The following SMYD3 variants were observed in gnomAD, a reference collection of about 807,000 sequenced individuals.
SMYD3 encodes SET and MYND domain containing 3.
In SMYD3, 36 loss-of-function variants were observed where a neutral mutation model predicts 57.7. That is an observed-to-expected ratio of 0.62 (90% CI 0.48 to 0.82). The LOEUF (loss-of-function observed/expected upper bound fraction) is 0.82. SMYD3 is among the 40% of genes least tolerant of loss of function. The pLI is 0.00. For synonymous variants in SMYD3, 211 were observed against 195.0 expected, an observed-to-expected ratio of 1.08 and a Z score of -0.68; for missense variants, 515 against 538.8, an observed-to-expected ratio of 0.96 and a Z score of 0.44.
intron 1 of SMYD3, among the ~76,000 whole-genome samples, chr1:246,378,640 C>CATAT (rs10673680): frequency 0.022 from 2,673 of 119,494 alleles, 92 homozygotes; most frequent in African/African-American, 0.068. Context: ...ATCTCCCCTT[C>CATAT]ATATATATAT....
intron 5 of SMYD3, among the ~76,000 whole-genome samples, chr1:246,114,135 G>C (rs1380750209): frequency 1.8e-5 from 2 of 111,644 alleles, no homozygotes; most frequent in Non-Finnish European, 3.4e-5. Context: ...GCTCTGACAG[G>C]GGACAGTTTT....
intron 5 of SMYD3, among the ~76,000 whole-genome samples, chr1:246,046,903 A>T (rs776973080): frequency 3.3e-5 from 5 of 151,862 alleles, no homozygotes; most frequent in African/African-American, 4.8e-5. Context: ...TTTTATAAAA[A>T]GTAGCAACTT....
chr1:245,847,152 C>A (rs1018689506), intron 10 of SMYD3, among the ~76,000 whole-genome samples: 1 of 152,182 alleles, frequency 6.6e-6, no homozygotes, highest in Non-Finnish European at 1.5e-5. Flanking sequence ...ATCTCACGAG[C>A]TCAAGAGCTT....
chr1:245,981,551 A>T (rs1423229425), intron 5 of SMYD3, among the ~76,000 whole-genome samples: 1 of 152,234 alleles, frequency 6.6e-6, no homozygotes, highest in East Asian at 1.9e-4. Context: ...CCCTTATACA[A>T]CTGAACCCAA....
intron 5 of SMYD3, among the ~76,000 whole-genome samples, chr1:246,043,342 G>A: frequency 6.6e-6 from 1 of 152,198 alleles, no homozygotes; most frequent in Non-Finnish European, 1.5e-5. Context: ...CAATTAAAAT[G>A]CTCATATGTT....
intron 5 of SMYD3, among the ~76,000 whole-genome samples, chr1:246,281,412 T>C (rs1312208202): frequency 3.3e-5 from 5 of 152,240 alleles, no homozygotes; most frequent in Non-Finnish European, 5.9e-5. Context: ...ACATTTACCC[T>C]ACTCAGTAAC....
intron 10 of SMYD3, among the ~76,000 whole-genome samples, chr1:245,766,661 T>G (rs146582697): frequency 3.0e-4 from 46 of 152,234 alleles, no homozygotes; most frequent in Non-Finnish European, 5.6e-4. Flanking sequence ...ACGCCTGGAT[T>G]TGGGGTGTTA....
At chr1:246,109,865 A>C (rs7535626) in intron 5 of SMYD3, 22,285 of 152,216 alleles carry the variant, frequency 0.15, 2,735 homozygotes, top group African/African-American at 0.33. Context: ...ACAAGGAGGA[A>C]GAAGCAGAGA....
chr1:246,346,718 C>A (rs984128688), intron 2 of SMYD3, among the ~76,000 whole-genome samples: 2 of 152,118 alleles, frequency 1.3e-5, no homozygotes, highest in African/African-American at 4.8e-5. Flanking sequence ...CTGGTCCCTA[C>A]CGCGACACAT....
intron 5 of SMYD3, among the ~76,000 whole-genome samples, chr1:246,136,147 C>T (rs1047826428): frequency 2.6e-5 from 4 of 152,280 alleles, no homozygotes; most frequent in Admixed American, 1.3e-4. Flanking sequence ...TTAGCACCAA[C>T]AGATTGGAGT....
At chr1:245,826,446 C>T (rs183760166) in intron 10 of SMYD3, among the ~76,000 whole-genome samples, 153 of 152,056 alleles carry the variant, frequency 1.0e-3, no homozygotes, top group Middle Eastern at 3.4e-3. Flanking sequence ...AACTCCTGGG[C>T]TCAAGCGATC....
Position 246,507,205 on chromosome 1 carries a change from T to C in SMYD3, c.13A>G (p.Lys5Glu). The change falls in exon 1 of 12, where the codon AAG becomes GAG. Residue 5 changes from lysine (K) to glutamate (E), a missense_variant. Transcript: ENST00000490107. Reference protein sequence around the residue: MEPLKVEKFATAKRG... With the variant: MEPLEVEKFATAKRG... Reference sequence around the variant, plus strand: ...TTGGCGGTTGCGAACTTTTCCACCTTCAGCGGCTCCATCCTCCCGCAGCTC... The same window carrying C: ...TTGGCGGTTGCGAACTTTTCCACCTCCAGCGGCTCCATCCTCCCGCAGCTC... The C allele has an allele frequency of 6.6e-7, 1 of 1,522,108 alleles. No individual in the cohort carries two copies. Among genetic ancestry groups the C allele is most frequent in the Non-Finnish European group, 8.8e-7 (1 of 1,134,112 alleles). 94.3% of individuals were successfully genotyped at this position (1,522,108 alleles called of 1,614,324 possible).
chr1:246,008,913 C>T (rs927406568), intron 5 of SMYD3, among the ~76,000 whole-genome samples: 11 of 152,078 alleles, frequency 7.2e-5, no homozygotes, highest in African/African-American at 1.7e-4. Flanking sequence ...CAGGAGAGTC[C>T]GGGGATGAAG....
intron 5 of SMYD3, among the ~76,000 whole-genome samples, chr1:246,235,350 A>G (rs1187739254): frequency 6.6e-6 from 1 of 152,248 alleles, no homozygotes; most frequent in African/African-American, 2.4e-5. Flanking sequence ...ATCAGCTTCT[A>G]GCCAGATAAT....
intron 8 of SMYD3, among the ~76,000 whole-genome samples, chr1:245,886,727 T>A (rs1390181564): frequency 2.0e-5 from 3 of 152,164 alleles, no homozygotes; most frequent in African/African-American, 7.2e-5. Context: ...TTGCCCGATA[T>A]TTGAATTTTT....
In SMYD3 at chr1:246,168,900, G is replaced by A. The variant is rs112846940; in HGVS notation, c.531+158301C>T. 1.6e-3 allele frequency among the ~76,000 whole-genome samples: 247 copies of A among 152,244 alleles called. 1 individual carries two copies. Among genetic ancestry groups the A allele is most frequent in the African/African-American group, 5.5e-3 (229 of 41,542 alleles). On this transcript the variant is annotated intron_variant, in intron 5 of 11. Transcript: ENST00000490107. ...CATGTACAAAGGCCCCTGTGTTCCA[G>A]TTCTATCCCATACTTGAAAAACAAA...
chr1:246,341,759 AC>A, intron 2 of SMYD3, among the ~76,000 whole-genome samples: 2 of 152,340 alleles, frequency 1.3e-5, no homozygotes, highest in East Asian at 3.9e-4. Context: ...CTCTTTACAT[AC>A]AAAGTCCCTA....
At chr1:245,917,031 C>CT (rs1412743843) in intron 7 of SMYD3, among the ~76,000 whole-genome samples, 1 of 26,220 alleles carries the variant, frequency 3.8e-5, no homozygotes, top group Non-Finnish European at 7.4e-5. Flanking sequence ...AAACATTGGG[C>CT]TTTAAAAAAA....
chr1:246,437,418 G>A (rs1572500905), intron 1 of SMYD3, among the ~76,000 whole-genome samples: 2 of 151,792 alleles, frequency 1.3e-5, no homozygotes. Context: ...CCAGCTGTGG[G>A]TGCCCCAGGT....
Sources: gnomAD v4.1 joint callset for allele counts (sites outside exome capture counted in the v4.1 genomes callset) on GRCh38, gnomAD v4.1.1 for gene constraint, MANE v1.5 for transcripts, NCBI Gene and HGNC (gene_info 2026-07-23, HGNC 2026-07-21) for gene names.